Variants in ATRNL1 observed in about 807,000 individuals in gnomAD.
ATRNL1 encodes the protein attractin like 1, also known as attractin-like protein 1.
Under a neutral mutation model 182.7 loss-of-function variants are expected in ATRNL1, and 95 were observed. The ratio of observed to expected loss-of-function variants is 0.52; its 90% CI spans 0.44 to 0.62. The LOEUF (loss-of-function observed/expected upper bound fraction) is 0.62. ATRNL1 is among the 20% of genes least tolerant of loss of function. The pLI is 0.00. For synonymous variants in ATRNL1, 576 were observed against 568.3 expected (o/e 1.01, Z -0.19); for missense variants, 1,471 against 1,679.5 (o/e 0.88, Z 2.17).
intron 21 of ATRNL1, among the ~76,000 whole-genome samples, chr10:115,444,845 C>T (rs1846880040): frequency 6.6e-6 from 1 of 151,884 alleles, no homozygotes; most frequent in Non-Finnish European, 1.5e-5. Context: ...GATTCTCCTG[C>T]CTCAGCCTCC....
rs185717170 is a variant in ATRNL1, at chr10:115,239,644, C to T, written c.1533-1927C>T. ...GCCTGTTCCTCTTAGAGTGACACCACTACTTTATGTACAGAGCACTAGATG... is the reference window on the plus strand; with the variant it reads ...GCCTGTTCCTCTTAGAGTGACACCATTACTTTATGTACAGAGCACTAGATG... On this transcript the variant is annotated intron_variant, in intron 9 of 28. Transcript: ENST00000355044. Among the ~76,000 whole-genome samples the T allele has an allele frequency of 1.8e-3, 279 of 152,264 alleles. 1 individual carries two copies. Among genetic ancestry groups the T allele is most frequent in the Admixed American group, 0.016 (249 of 15,282 alleles).
intron 24 of ATRNL1, among the ~76,000 whole-genome samples, chr10:115,491,530 G>C (rs1370228487): frequency 6.6e-6 from 1 of 152,036 alleles, no homozygotes; most frequent in Admixed American, 6.6e-5. Context: ...ACTTCCCAGT[G>C]GCTTTGTTTA....
At chr10:115,618,984 T>C (rs1365128540) in intron 26 of ATRNL1, among the ~76,000 whole-genome samples, 2 of 152,230 alleles carry the variant, frequency 1.3e-5, no homozygotes, top group Admixed American at 1.3e-4. Flanking sequence ...GATGTATTTT[T>C]CCTTTAGATG....
chr10:115,125,669 A>G (rs1174055171), intron 3 of ATRNL1, among the ~76,000 whole-genome samples: 3 of 152,226 alleles, frequency 2.0e-5, no homozygotes, highest in Non-Finnish European at 2.9e-5. Context: ...GAGGTGATTC[A>G]TAGCTCAGCT....
intron 27 of ATRNL1, among the ~76,000 whole-genome samples, chr10:115,765,922 C>G (rs1555074922): frequency 6.6e-6 from 1 of 152,136 alleles, no homozygotes; most frequent in Non-Finnish European, 1.5e-5. Flanking sequence ...TTAGCTATTG[C>G]AAACAATGCG....
At chr10:115,157,043 A>G (rs999650872) in intron 5 of ATRNL1, among the ~76,000 whole-genome samples, 1 of 152,158 alleles carries the variant, frequency 6.6e-6, no homozygotes, top group Admixed American at 6.6e-5. Flanking sequence ...GTACAATAAC[A>G]TAGTAGGGTG....
intron 26 of ATRNL1, among the ~76,000 whole-genome samples, chr10:115,676,742 G>A (rs2804144): frequency 0.17 from 25,928 of 151,740 alleles, 2,874 homozygotes; most frequent in Non-Finnish European, 0.25. Context: ...TAGAGTGGAG[G>A]GGGAAAGAAA....
At chr10:115,793,715 A>G (rs1322944006) in intron 27 of ATRNL1, among the ~76,000 whole-genome samples, 2 of 152,138 alleles carry the variant, frequency 1.3e-5, no homozygotes, top group Non-Finnish European at 1.5e-5. Flanking sequence ...TTTATGTACC[A>G]TCACACCTTG....
At chr10:115,423,213 A>G (rs1187867760) in intron 20 of ATRNL1, among the ~76,000 whole-genome samples, 1 of 152,128 alleles carries the variant, frequency 6.6e-6, no homozygotes, top group Non-Finnish European at 1.5e-5. Flanking sequence ...ATAAATAAGC[A>G]CACTTACTAT....
chr10:115,097,744 T>C (rs553236093), intron 1 of ATRNL1, among the ~76,000 whole-genome samples: 33 of 152,042 alleles, frequency 2.2e-4, no homozygotes, highest in Non-Finnish European at 4.1e-4. Flanking sequence ...GCTAACACAG[T>C]GAAACCCCGT....
At chr10:115,307,625 C>T (rs1290276459) in intron 17 of ATRNL1, among the ~76,000 whole-genome samples, 1 of 152,140 alleles carries the variant, frequency 6.6e-6, no homozygotes, top group Non-Finnish European at 1.5e-5. Context: ...TGAACATTGC[C>T]TCAAGGAGAC....
chr10:115,392,290 C>A (rs1229180180), intron 19 of ATRNL1, among the ~76,000 whole-genome samples: 1 of 151,952 alleles, frequency 6.6e-6, no homozygotes, highest in African/African-American at 2.4e-5. Context: ...AGAGTATAAT[C>A]AAAATACAGT....
At chr10:115,316,871 C>G (rs566674215) in intron 18 of ATRNL1, among the ~76,000 whole-genome samples, 2 of 152,248 alleles carry the variant, frequency 1.3e-5, no homozygotes, top group East Asian at 3.9e-4. Context: ...GTTGCCTGTT[C>G]ATGCTGTTGA....
intron 26 of ATRNL1, among the ~76,000 whole-genome samples, chr10:115,611,632 G>A (rs530715711): frequency 4.1e-4 from 62 of 151,994 alleles, no homozygotes; most frequent in Non-Finnish European, 7.5e-4. Context: ...AATTTTAATA[G>A]TTAGATGGTG....
chr10:115,561,271 C>T, intron 26 of ATRNL1, among the ~76,000 whole-genome samples: 1 of 152,100 alleles, frequency 6.6e-6, no homozygotes, highest in Non-Finnish European at 1.5e-5. Flanking sequence ...TCTACATATG[C>T]AAAGGACTCT....
intron 28 of ATRNL1, among the ~76,000 whole-genome samples, chr10:115,883,019 A>T (rs1951861825): frequency 6.6e-6 from 1 of 152,190 alleles, no homozygotes; most frequent in South Asian, 2.1e-4. Flanking sequence ...GTCATGGTCT[A>T]TCAGGGGAAC....
At chr10:115,872,318 A>G (rs1245102873) in intron 28 of ATRNL1, among the ~76,000 whole-genome samples, 3 of 152,238 alleles carry the variant, frequency 2.0e-5, no homozygotes, top group African/African-American at 7.2e-5. Context: ...TAAAAGTTCA[A>G]AAGCCTAATA....
chr10:115,425,305 A>C (rs1845834108), intron 20 of ATRNL1, among the ~76,000 whole-genome samples: 1 of 145,954 alleles, frequency 6.9e-6, no homozygotes, highest in African/African-American at 2.6e-5. Context: ...AAATATATGT[A>C]ATATATTTAT....
At chr10:115,344,495 T>C (rs1249445232) in intron 19 of ATRNL1, among the ~76,000 whole-genome samples, 1 of 152,078 alleles carries the variant, frequency 6.6e-6, no homozygotes, top group Non-Finnish European at 1.5e-5. Context: ...TTATGGTGAA[T>C]GCTGCCTGGC....
Sources: allele counts gnomAD v4.1 joint callset (sites outside exome capture counted in the v4.1 genomes callset), GRCh38; gene constraint gnomAD v4.1.1; transcripts MANE v1.5; gene names NCBI Gene and HGNC (gene_info 2026-07-23, HGNC 2026-07-21).